The following MAP4K4 variants were observed in gnomAD, a reference collection of about 807,000 sequenced individuals.
The protein encoded by MAP4K4 is HPK/GCK-like kinase HGK.
In MAP4K4, 38 loss-of-function variants were observed where a neutral mutation model predicts 189.6. That is an observed-to-expected ratio of 0.20 (90% confidence interval 0.15 to 0.26). The LOEUF (loss-of-function observed/expected upper bound fraction) is 0.26. MAP4K4 is among the 10% of genes least tolerant of loss of function. The pLI is 1.00. For missense variants in MAP4K4, 1,054 were observed against 1,726.9 expected (o/e 0.61, Z 6.91); for synonymous variants, 610 against 624.3 (o/e 0.98, Z 0.34).
intron 28 of MAP4K4, 139 bp downstream of exon 28, chr2:101,882,824 T>C (rs1177666272): frequency 1.1e-6 from 1 of 892,020 alleles, no homozygotes. Flanking sequence ...TCTGGTGTTC[T>C]TTCTGTTTCC....
intron 2 of MAP4K4, among the ~76,000 whole-genome samples, chr2:101,768,159 A>G (rs1393287034): frequency 6.6e-6 from 1 of 152,204 alleles, no homozygotes; most frequent in Admixed American, 6.5e-5. Context: ...GTAATATTTT[A>G]ATATATAATG....
chr2:101,758,097 T>C lies in MAP4K4; in HGVS notation c.124-32623T>C, dbSNP rs145179827. Among the ~76,000 whole-genome samples the C allele has an allele frequency of 2.1e-3, 325 of 152,282 alleles. 2 individuals are homozygous for C. Among genetic ancestry groups the C allele is most frequent in the African/African-American group, 7.4e-3 (307 of 41,554 alleles). On this transcript the variant is annotated intron_variant, in intron 2 of 32. Transcript: ENST00000324219. ...TGTGAATATGGGCTCTCTCAAAATA[T>C]CTTACTGTATATAATACTTTTAGAC...
intron 32 of MAP4K4, 61 bp from the exon 33 acceptor site, chr2:101,891,105 C>T (rs1026636178): frequency 1.5e-6 from 2 of 1,316,228 alleles, no homozygotes; most frequent in African/African-American, 2.9e-5. Flanking sequence ...GGCTTAGATT[C>T]CCTGGCTGGA....
At chr2:101,802,770 A>G (rs369897428) in intron 3 of MAP4K4, among the ~76,000 whole-genome samples, 3 of 151,606 alleles carry the variant, frequency 2.0e-5, no homozygotes, top group Non-Finnish European at 4.4e-5. Flanking sequence ...ACCTCCATAC[A>G]TAGTGACAAT....
chr2:101,892,007 A>AGG (rs2098577563), exon 33 of MAP4K4: 6 of 151,100 alleles, frequency 4.0e-5, no homozygotes, highest in Admixed American at 1.3e-4. Flanking sequence ...AAAAAAAAAA[A>AGG]AAAAAAAAGG....
chr2:101,829,725 G>A (rs2096533057), intron 6 of MAP4K4, 131 bp downstream of exon 6: 3 of 659,912 alleles, frequency 4.5e-6, no homozygotes, highest in Non-Finnish European at 2.7e-6. Context: ...TCTTAAGAAT[G>A]TGGGAACTGA....
Position 101,698,431 on chromosome 2 carries a change from G to C in MAP4K4, c.58-42G>C, listed in dbSNP as rs1310065845. On this transcript the variant is annotated intron_variant, in intron 1 of 32. Transcript: ENST00000324219. ...CCTTGCTTGATTTATTCATTTTTTT[G>C]GCTTCTTTTAAATGATAACCCCTCC... is the stretch of plus-strand genomic sequence containing the variant. 2.7e-6 allele frequency: 4 copies of C among 1,506,824 alleles called. No individual in the cohort carries two copies. In the Admixed American group the frequency reaches 6.7e-5, roughly 25 times the overall value. The allele number at this position is 1,506,824 out of a possible 1,614,324, so 93.3% of individuals were successfully genotyped here.
At chr2:101,886,814 A>G (rs2150305426) in intron 29 of MAP4K4, among the ~76,000 whole-genome samples, 1 of 152,170 alleles carries the variant, frequency 6.6e-6, no homozygotes, top group South Asian at 2.1e-4. Context: ...GGTCGAGGTC[A>G]GGAGATCAAG....
At chr2:101,760,654 T>G (rs923066571) in intron 2 of MAP4K4, among the ~76,000 whole-genome samples, 2 of 151,996 alleles carry the variant, frequency 1.3e-5, no homozygotes, top group Non-Finnish European at 2.9e-5. Context: ...TGTTCTTCTA[T>G]TTAAAAAATA....
Position 101,868,841 on chromosome 2 carries a change from G to GT in MAP4K4, c.2464-769dup, listed in dbSNP as rs199961561. Among the ~76,000 whole-genome samples, 463 of 146,236 alleles carry GT rather than the reference G, an allele frequency of 3.2e-3. 2 individuals carry two copies. Among genetic ancestry groups the GT allele is most frequent in the East Asian group, 0.019 (95 of 5,050 alleles). On this transcript the variant is annotated intron_variant, in intron 21 of 32. Coordinates refer to ENST00000324219, the Ensembl canonical transcript of MAP4K4. Reference sequence around the variant, plus strand: ...CCTTTCATTTTAATGTAGGTTTGAAGTTTTTTTTTTTTCAGTATGAGGTAA... The same window carrying GT: ...CCTTTCATTTTAATGTAGGTTTGAAGTTTTTTTTTTTTTCAGTATGAGGTAA...
intron 22 of MAP4K4, 37 bp downstream of exon 22, chr2:101,869,834 T>G: frequency 1.3e-6 from 2 of 1,485,038 alleles, no homozygotes; most frequent in Non-Finnish European, 1.8e-6. Flanking sequence ...GATGAGAGTA[T>G]TCTCTCAGAG....
chr2:101,785,731 T>C (rs1261436969), intron 2 of MAP4K4, among the ~76,000 whole-genome samples: 17 of 5,074 alleles, frequency 3.4e-3, no homozygotes, highest in South Asian at 0.013. Flanking sequence ...TCTCTCTCTC[T>C]CTCTCTCTCT....
chr2:101,870,374 G>T, exon 23 of MAP4K4: 1 of 1,613,654 alleles, frequency 6.2e-7, no homozygotes, highest in Non-Finnish European at 8.5e-7. Context: ...AAGTGAGCCG[G>T]CCATGACCCC....
intron 2 of MAP4K4, among the ~76,000 whole-genome samples, chr2:101,752,147 G>GC (rs1291238135): frequency 3.3e-5 from 5 of 152,082 alleles, no homozygotes; most frequent in Non-Finnish European, 7.4e-5. Context: ...GAACCTCCCT[G>GC]TTTTTCCAGG....
exon 12 of MAP4K4, chr2:101,844,278 G>A (rs954257495): frequency 3.8e-6 from 6 of 1,568,828 alleles, no homozygotes; most frequent in Non-Finnish European, 5.2e-6. Context: ...AGCGGATTGA[G>A]CAGCAGAAAG....
intron 2 of MAP4K4, among the ~76,000 whole-genome samples, chr2:101,742,864 C>G (rs1335568670): frequency 2.0e-5 from 3 of 152,114 alleles, no homozygotes; most frequent in African/African-American, 7.2e-5. Context: ...ACCTTTCTGC[C>G]TAAGCATGTC....
intron 2 of MAP4K4, among the ~76,000 whole-genome samples, chr2:101,759,257 G>T (rs998442998): frequency 6.6e-6 from 1 of 151,764 alleles, no homozygotes; most frequent in Non-Finnish European, 1.5e-5. Flanking sequence ...TGCTTCCTTT[G>T]CTTTCCTTGG....
chr2:101,724,238 A>G (rs558161509), intron 2 of MAP4K4, among the ~76,000 whole-genome samples: 2 of 152,302 alleles, frequency 1.3e-5, no homozygotes, highest in East Asian at 3.9e-4. Context: ...GGTTCTGGAC[A>G]CTGGAACAAC....
chr2:101,755,728 T>G (rs1022691693), intron 2 of MAP4K4, among the ~76,000 whole-genome samples: 4 of 152,114 alleles, frequency 2.6e-5, no homozygotes, highest in Admixed American at 2.6e-4. Flanking sequence ...GAACTCGAAA[T>G]CAATAGCTGA....
Sources: gnomAD v4.1 joint callset for allele counts (sites outside exome capture counted in the v4.1 genomes callset) on GRCh38, gnomAD v4.1.1 for gene constraint, MANE v1.5 for transcripts, NCBI Gene and HGNC (gene_info 2026-07-23, HGNC 2026-07-21) for gene names.